ADGRB3: variants seen among roughly 807,000 people sequenced by gnomAD.
ADGRB3 encodes brain-specific angiogenesis inhibitor 3.
A neutral mutation model predicts 193.4 loss-of-function variants in ADGRB3; 37 were observed. The ratio of observed to expected loss-of-function variants is 0.19; its 90% CI spans 0.15 to 0.25. The LOEUF is 0.25. Among genes scored for constraint, ADGRB3 ranks in the 10% least tolerant of loss-of-function variants. ADGRB3 has a pLI of 1.00. For synonymous variants in ADGRB3, 690 were observed against 644.2 expected (o/e 1.07, Z -1.08); for missense variants, 1,637 against 1,852.9 (o/e 0.88, Z 2.14).
intron 3 of ADGRB3, among the ~76,000 whole-genome samples, chr6:68,861,423 G>A (rs372379717): frequency 4.7e-4 from 72 of 152,160 alleles, no homozygotes; most frequent in East Asian, 4.7e-3. Context: ...TTAGCCGGGC[G>A]TGGTGGCGGG....
intron 3 of ADGRB3, among the ~76,000 whole-genome samples, chr6:68,919,436 G>A (rs1450180332): frequency 2.6e-5 from 4 of 152,070 alleles, no homozygotes; most frequent in Non-Finnish European, 5.9e-5. Context: ...TAGTGTAGGT[G>A]GCCTGCAAAA....
rs1306843651 is a variant in ADGRB3 at position 69,385,299 on chromosome 6, G to T, written c.4380+2364G>T. Among the ~76,000 whole-genome samples the T allele has an allele frequency of 4.0e-5, 6 of 151,780 alleles. No homozygotes were observed. The East Asian group carries it at 1.2e-3, about 29-fold the overall frequency. On this transcript the variant is annotated intron_variant, in intron 31 of 31. Coordinates refer to ENST00000370598, the MANE Select transcript of ADGRB3 (RefSeq NM_001704.3). ...TGGTAGGTTGAAAGAAGGAGGGAAA[G>T]AAAGAAGAGAGAGAGGAATCAAAGG...
intron 16 of ADGRB3, among the ~76,000 whole-genome samples, chr6:69,072,687 T>TC (rs774958988): frequency 6.6e-5 from 10 of 152,210 alleles, no homozygotes; most frequent in Non-Finnish European, 1.3e-4. Context: ...TATCTCAAGT[T>TC]CCTCAGCTGC....
At chr6:69,093,850 A>T (rs1328450342) in intron 17 of ADGRB3, among the ~76,000 whole-genome samples, 1 of 152,168 alleles carries the variant, frequency 6.6e-6, no homozygotes, top group African/African-American at 2.4e-5. Context: ...GAGATGTAAG[A>T]ATCGTAAGAC....
intron 16 of ADGRB3, 62 bp downstream of exon 16, chr6:69,063,098 T>C: frequency 8.1e-7 from 1 of 1,235,414 alleles, no homozygotes; most frequent in South Asian, 1.2e-5. Context: ...AGTCATTCTT[T>C]CAACTGATAA....
intron 3 of ADGRB3, among the ~76,000 whole-genome samples, chr6:68,723,740 C>G (rs919302941): frequency 6.6e-6 from 1 of 151,622 alleles, no homozygotes; most frequent in East Asian, 1.9e-4. Flanking sequence ...TCTTTCAATA[C>G]CTATTGCCTC....
intron 17 of ADGRB3, among the ~76,000 whole-genome samples, chr6:69,185,032 C>A (rs77738714): frequency 6.6e-6 from 1 of 152,118 alleles, no homozygotes; most frequent in Non-Finnish European, 1.5e-5. Flanking sequence ...GAGTTCACAT[C>A]CTTAATTCAT....
chr6:68,814,408 GT>G (rs1416057737), intron 3 of ADGRB3, among the ~76,000 whole-genome samples: 1 of 152,080 alleles, frequency 6.6e-6, no homozygotes, highest in Non-Finnish European at 1.5e-5. Context: ...GGTGTTGTTT[GT>G]TTTTTTCTTG....
intron 3 of ADGRB3, among the ~76,000 whole-genome samples, chr6:68,894,340 C>A (rs992958589): frequency 2.0e-5 from 3 of 151,876 alleles, no homozygotes; most frequent in Non-Finnish European, 4.4e-5. Context: ...ATTGTATGAA[C>A]TGTGTAAAGT....
intron 3 of ADGRB3, among the ~76,000 whole-genome samples, chr6:68,644,144 G>T (rs562700301): frequency 6.6e-6 from 1 of 151,694 alleles, no homozygotes; most frequent in Non-Finnish European, 1.5e-5. Flanking sequence ...GCAATAAATA[G>T]GTTACAGTAA....
At chr6:68,763,409 C>A (rs1254621454) in intron 3 of ADGRB3, among the ~76,000 whole-genome samples, 1 of 152,106 alleles carries the variant, frequency 6.6e-6, no homozygotes, top group African/African-American at 2.4e-5. Flanking sequence ...AACTGTTATA[C>A]TTTAATCATT....
rs554733461 is a variant in ADGRB3 at position 68,800,396 on chromosome 6, G to C, written c.758-130163G>C. On this transcript the variant is annotated intron_variant, in intron 3 of 31. Transcript: ENST00000370598. ...ATGTCTGTCAGATGTGTGTTTGACT[G>C]TCTTCCTCTGGAGTTATGAGAGAGT... 6.6e-5 allele frequency among the ~76,000 whole-genome samples: 10 copies of C among 152,286 alleles called. No homozygotes were observed. In the South Asian group the frequency reaches 1.7e-3, roughly 25 times the overall value.
intron 3 of ADGRB3, among the ~76,000 whole-genome samples, chr6:68,807,450 C>A (rs1767427291): frequency 1.3e-5 from 2 of 151,738 alleles, no homozygotes; most frequent in Admixed American, 6.6e-5. Context: ...CCGTGTTAGC[C>A]AGGATGGTCT....
At chr6:69,056,113 A>C (rs937697192) in intron 15 of ADGRB3, among the ~76,000 whole-genome samples, 10 of 152,170 alleles carry the variant, frequency 6.6e-5, no homozygotes, top group African/African-American at 2.4e-4. Context: ...TACAGACATG[A>C]GCCACCCCGC....
chr6:69,312,359 T>A (rs1768212525), intron 20 of ADGRB3, among the ~76,000 whole-genome samples: 1 of 151,620 alleles, frequency 6.6e-6, no homozygotes, highest in Admixed American at 6.6e-5. Flanking sequence ...AAAGGCAGAG[T>A]TCATTTTTGG....
intron 3 of ADGRB3, among the ~76,000 whole-genome samples, chr6:68,768,674 AG>A (rs1766558908): frequency 1.3e-5 from 2 of 152,222 alleles, no homozygotes; most frequent in African/African-American, 4.8e-5. Flanking sequence ...TGGCAACAAA[AG>A]CCAAAATTGA....
intron 3 of ADGRB3, among the ~76,000 whole-genome samples, chr6:68,765,864 CTG>C (rs955529288): frequency 6.6e-6 from 1 of 151,880 alleles, no homozygotes; most frequent in African/African-American, 2.4e-5. Context: ...GACTAGGTAA[CTG>C]TTTTTATTCT....
At chr6:68,728,611 G>A (rs933052888) in intron 3 of ADGRB3, among the ~76,000 whole-genome samples, 5 of 151,362 alleles carry the variant, frequency 3.3e-5, no homozygotes, top group Admixed American at 6.6e-5. Context: ...GCATGTGTGC[G>A]TATAGATATA....
At chr6:68,760,515 G>A (rs6931354) in intron 3 of ADGRB3, among the ~76,000 whole-genome samples, 40,617 of 152,160 alleles carry the variant, frequency 0.27, 5,944 homozygotes, top group East Asian at 0.65. Flanking sequence ...ACATTACCAA[G>A]TATTGTTTCC....
Sources: gnomAD v4.1 joint callset for allele counts (sites outside exome capture counted in the v4.1 genomes callset) on GRCh38, gnomAD v4.1.1 for gene constraint, MANE v1.5 for transcripts, NCBI Gene and HGNC (gene_info 2026-07-23, HGNC 2026-07-21) for gene names.